The following PCDH19 variants were observed in gnomAD, a reference collection of about 807,000 sequenced individuals.
PCDH19 encodes the protein protocadherin 19.
PCDH19 carries 6 observed loss-of-function variants against 46.2 expected under a neutral mutation model. The ratio of observed to expected loss-of-function variants is 0.13; its 90% CI spans 0.07 to 0.26. The LOEUF (loss-of-function observed/expected upper bound fraction) is 0.26, where lower values mean the gene tolerates loss of function less well. Ranked by LOEUF, PCDH19 falls within the 10% of genes least tolerant of loss-of-function variation. The pLI is 1.00. For synonymous variants in PCDH19, 481 were observed against 415.7 expected (o/e 1.16, Z -1.91); for missense variants, 740 against 972.3 (o/e 0.76, Z 3.18).
At chrX:100,335,198 T>TA (rs1439493608) in intron 5 of PCDH19, among the ~76,000 whole-genome samples, 3 of 110,628 alleles carry the variant, frequency 2.7e-5, no homozygotes, top group Non-Finnish European at 5.7e-5. Flanking sequence ...GGTTTTGAAC[T>TA]AAAAAAAAGA....
At chrX:100,322,893 A>G (rs1401957133) in intron 5 of PCDH19, among the ~76,000 whole-genome samples, 1 of 81,091 alleles carries the variant, frequency 1.2e-5, no homozygotes, top group Admixed American at 1.5e-4. Context: ...AAAGGGGTTG[A>G]GTTCTTGATT....
At chrX:100,357,707 G>C (rs1055357187) in intron 3 of PCDH19, among the ~76,000 whole-genome samples, 5 of 111,644 alleles carry the variant, frequency 4.5e-5, no homozygotes, top group African/African-American at 1.3e-4. Flanking sequence ...ACGTTCCTTA[G>C]CATTTTCTCA....
chrX:100,375,480 T>A (rs781565647), intron 3 of PCDH19, among the ~76,000 whole-genome samples: 5 of 112,593 alleles, frequency 4.4e-5, no homozygotes, highest in Non-Finnish European at 7.5e-5. Context: ...ACATTTTCTT[T>A]ATCCAGTCTA....
chrX:100,377,257 T>A (rs1341462243), intron 3 of PCDH19, among the ~76,000 whole-genome samples: 1 of 111,959 alleles, frequency 8.9e-6, no homozygotes, highest in Non-Finnish European at 1.9e-5. Context: ...AAGGGTTTTT[T>A]TTCACACAAT....
chrX:100,336,628 G>C (rs1926096301), intron 5 of PCDH19, among the ~76,000 whole-genome samples: 1 of 111,917 alleles, frequency 8.9e-6, no homozygotes, highest in Non-Finnish European at 1.9e-5. Flanking sequence ...TATTGCATTT[G>C]GACGCATTTG....
rs755008766 is a variant in PCDH19, at chrX:100,333,183, G to GAGAA, written c.2848+8716_2848+8719dup. Among the ~76,000 whole-genome samples the GAGAA allele has an allele frequency of 4.8e-3, 206 of 43,232 alleles. 5 individuals carry two copies. The Middle Eastern group carries it at 0.07, about 15-fold the overall frequency. 37.5% of individuals were successfully genotyped at this position (43,232 alleles called of 115,157 possible). ...GAAGGAAGGAAGGAAGGGAGAGAGA[G>GAGAA]AGAAAGAAAGAAAGAAAGAAAGAAA... On this transcript the variant is annotated intron_variant, in intron 5 of 5. Coordinates refer to ENST00000373034, the MANE Select transcript of PCDH19 (RefSeq NM_001184880.2).
intron 3 of PCDH19, among the ~76,000 whole-genome samples, chrX:100,373,926 C>T (rs1171115275): frequency 8.9e-6 from 1 of 112,212 alleles, no homozygotes; most frequent in Non-Finnish European, 1.9e-5. Context: ...TTTAGCTTCT[C>T]TTTTTAACTA....
chrX:100,360,700 A>C (rs900899197), intron 3 of PCDH19, among the ~76,000 whole-genome samples: 4 of 112,093 alleles, frequency 3.6e-5, no homozygotes, highest in African/African-American at 1.3e-4. Flanking sequence ...ACTGTAGTAA[A>C]TAAAGGGCAT....
chrX:100,329,868 C>T (rs994589885), intron 5 of PCDH19, among the ~76,000 whole-genome samples: 4 of 111,727 alleles, frequency 3.6e-5, no homozygotes, highest in South Asian at 3.7e-4. Context: ...GCTGAGATCG[C>T]GCCACTGCAC....
chrX:100,362,967 ACAT>A (rs1484555659), intron 3 of PCDH19, among the ~76,000 whole-genome samples: 5 of 111,323 alleles, frequency 4.5e-5, no homozygotes, highest in African/African-American at 1.3e-4. Flanking sequence ...GCCCTTGCAG[ACAT>A]CATGGAGCCT....
chrX:100,359,668 G>A lies in PCDH19; in HGVS notation c.2617-8964C>T, dbSNP rs746622512. ...CTTGGAAGACTGAGGTGGGAGGATC[G>A]CTTAAGGCCAGGAGTTCAAGACCAG... On this transcript the variant is annotated intron_variant, in intron 3 of 5. Coordinates refer to ENST00000373034, the MANE Select transcript of PCDH19 (RefSeq NM_001184880.2). 1.3e-3 allele frequency among the ~76,000 whole-genome samples: 145 copies of A among 111,752 alleles called. 9 individuals are homozygous for A. The highest frequency in any genetic ancestry group is 3.4e-3 in the East Asian group (12 of 3,550).
intron 5 of PCDH19, among the ~76,000 whole-genome samples, chrX:100,312,049 G>C (rs750717773): frequency 1.4e-4 from 16 of 110,989 alleles, no homozygotes; most frequent in Non-Finnish European, 7.6e-5. Context: ...ATAGCCTTAG[G>C]GGACTCTATT....
At chrX:100,322,563 T>C (rs965648022) in intron 5 of PCDH19, among the ~76,000 whole-genome samples, 2 of 109,435 alleles carry the variant, frequency 1.8e-5, no homozygotes, top group Non-Finnish European at 3.8e-5. Flanking sequence ...TGCTTAGTCT[T>C]GCTTTGGCTA....
At chrX:100,369,792 A>G (rs756089245) in intron 3 of PCDH19, among the ~76,000 whole-genome samples, 97 of 112,070 alleles carry the variant, frequency 8.7e-4, no homozygotes, top group African/African-American at 3.0e-3. Context: ...TGTTTCACAT[A>G]AAATAAGGCA....
chrX:100,373,153 C>T (rs761726360), intron 3 of PCDH19, among the ~76,000 whole-genome samples: 2 of 112,398 alleles, frequency 1.8e-5, no homozygotes, highest in African/African-American at 6.5e-5. Context: ...GGACTACAGG[C>T]GCGTGCCACC....
At chrX:100,310,968 G>C (rs895214654) in intron 5 of PCDH19, among the ~76,000 whole-genome samples, 1 of 108,154 alleles carries the variant, frequency 9.2e-6, no homozygotes, top group Non-Finnish European at 1.9e-5. Flanking sequence ...CTCCTGGCTC[G>C]GTCTTCCAAG....
rs186064252 is a variant in PCDH19 at position 100,313,012 on chromosome X, C to T, written c.2849-16137G>A. Among the ~76,000 whole-genome samples the T allele has an allele frequency of 9.9e-5, 11 of 111,307 alleles. No homozygotes were observed. In the East Asian group the frequency reaches 3.1e-3, roughly 32 times the overall value. ...CCACAAAATCACACACACACACACGCACATTCACCACCACTACCACCAGTC... is the reference window on the plus strand; with the variant it reads ...CCACAAAATCACACACACACACACGTACATTCACCACCACTACCACCAGTC... On this transcript the variant is annotated intron_variant, in intron 5 of 5. Coordinates refer to ENST00000373034, the MANE Select transcript of PCDH19 (RefSeq NM_001184880.2).
At chrX:100,390,377 C>CT (rs1262130252) in intron 3 of PCDH19, among the ~76,000 whole-genome samples, 1 of 111,970 alleles carries the variant, frequency 8.9e-6, no homozygotes, top group Non-Finnish European at 1.9e-5. Context: ...CAGCAGGGCA[C>CT]TATAACCACT....
At chrX:100,371,698 T>C (rs1445262717) in intron 3 of PCDH19, among the ~76,000 whole-genome samples, 1 of 111,175 alleles carries the variant, frequency 9.0e-6, no homozygotes, top group Non-Finnish European at 1.9e-5. Flanking sequence ...TTGTTTATTA[T>C]CTCTCTTCCC....
Sources: allele counts gnomAD v4.1 joint callset (sites outside exome capture counted in the v4.1 genomes callset), GRCh38; gene constraint gnomAD v4.1.1; transcripts MANE v1.5; gene names NCBI Gene and HGNC (gene_info 2026-07-23, HGNC 2026-07-21).